The following COMMD1 variants were observed in gnomAD, a reference collection of about 807,000 sequenced individuals.
The protein encoded by COMMD1 is COMM domain-containing protein 1.
A neutral mutation model predicts 17.2 loss-of-function variants in COMMD1; 10 were observed. The ratio of observed to expected loss-of-function variants is 0.58; its 90% CI spans 0.36 to 0.99. COMMD1 has a LOEUF of 0.99. COMMD1 is among the 50% of genes least tolerant of loss of function. The pLI is 0.01. For synonymous variants in COMMD1, 97 were observed against 91.6 expected (o/e 1.06, Z -0.34); for missense variants, 270 against 231.8 (o/e 1.17, Z -1.07).
At chr2:62,059,237 C>T (rs1353885887) in intron 2 of COMMD1, among the ~76,000 whole-genome samples, 5 of 152,044 alleles carry the variant, frequency 3.3e-5, no homozygotes, top group Non-Finnish European at 5.9e-5. Context: ...CTCACTGCAG[C>T]CTCTACCTCC....
At chr2:62,056,300 A>G (rs1307118296) in intron 2 of COMMD1, among the ~76,000 whole-genome samples, 2 of 152,230 alleles carry the variant, frequency 1.3e-5, no homozygotes, top group African/African-American at 2.4e-5. Context: ...CTGTGAGGAG[A>G]TAGATGCAGA....
intron 1 of COMMD1, among the ~76,000 whole-genome samples, chr2:61,910,789 A>G (rs944668420): frequency 3.3e-5 from 5 of 152,136 alleles, no homozygotes; most frequent in Non-Finnish European, 7.3e-5. Context: ...GGAATTTTAA[A>G]CAAAAAATTT....
intron 1 of COMMD1, among the ~76,000 whole-genome samples, chr2:61,998,443 A>G (rs1245350399): frequency 6.6e-6 from 1 of 152,026 alleles, no homozygotes; most frequent in Non-Finnish European, 1.5e-5. Context: ...TATTTTTAGT[A>G]GAGACAGGGT....
intron 2 of COMMD1, among the ~76,000 whole-genome samples, chr2:62,099,899 G>A (rs995165511): frequency 2.0e-5 from 3 of 152,136 alleles, no homozygotes; most frequent in African/African-American, 7.2e-5. Context: ...TTCCAGCTGG[G>A]AGGAGCAAAA....
At chr2:62,011,514 T>A (rs1021819499) in intron 2 of COMMD1, among the ~76,000 whole-genome samples, 6 of 152,146 alleles carry the variant, frequency 3.9e-5, no homozygotes, top group Non-Finnish European at 7.4e-5. Flanking sequence ...TTTTTTTTTT[T>A]AATTGCTGCA....
At chr2:62,123,410 C>A (rs1405443683) in intron 2 of COMMD1, among the ~76,000 whole-genome samples, 1 of 150,182 alleles carries the variant, frequency 6.7e-6, no homozygotes, top group Non-Finnish European at 1.5e-5. Flanking sequence ...GAGGCTGAGG[C>A]AGGAGAATTG....
At chr2:62,105,752 G>A (rs906041444) in intron 2 of COMMD1, among the ~76,000 whole-genome samples, 9 of 152,208 alleles carry the variant, frequency 5.9e-5, no homozygotes, top group African/African-American at 2.2e-4. Flanking sequence ...GAACCTGGGA[G>A]GCAGAGGTTG....
chr2:62,039,435 T>C (rs568827870), intron 2 of COMMD1, among the ~76,000 whole-genome samples: 72 of 152,336 alleles, frequency 4.7e-4, no homozygotes, highest in African/African-American at 1.6e-3. Flanking sequence ...AGGAGTTGAT[T>C]AGCAAACTTG....
chr2:62,125,924 C>A (rs1048522233), intron 2 of COMMD1, among the ~76,000 whole-genome samples: 2 of 152,130 alleles, frequency 1.3e-5, no homozygotes, highest in East Asian at 1.9e-4. Flanking sequence ...TCCTTCCCCC[C>A]ACTTCACCCC....
At chr2:62,038,359 A>C (rs1338529293) in intron 2 of COMMD1, among the ~76,000 whole-genome samples, 1 of 152,158 alleles carries the variant, frequency 6.6e-6, no homozygotes, top group Non-Finnish European at 1.5e-5. Flanking sequence ...TGTATTAAGT[A>C]ATGAAGATAT....
chr2:61,962,101 T>C (rs1200724559), intron 1 of COMMD1, among the ~76,000 whole-genome samples: 1 of 152,226 alleles, frequency 6.6e-6, no homozygotes, highest in Admixed American at 6.5e-5. Flanking sequence ...TTAGAGGCCT[T>C]GTGAGTATGG....
At chr2:62,068,840 A>C (rs1188216533) in intron 2 of COMMD1, among the ~76,000 whole-genome samples, 3 of 151,526 alleles carry the variant, frequency 2.0e-5, no homozygotes, top group Admixed American at 6.6e-5. Flanking sequence ...GATGGGTTTC[A>C]CCATGTTAGC....
At chr2:62,078,042 G>A (rs918628374) in intron 2 of COMMD1, among the ~76,000 whole-genome samples, 10 of 151,990 alleles carry the variant, frequency 6.6e-5, no homozygotes, top group African/African-American at 2.4e-4. Context: ...TTGGGAGGCC[G>A]AAGCAGGCGG....
chr2:61,937,979 TAGAG>T (rs1670645557), intron 1 of COMMD1, among the ~76,000 whole-genome samples: 2 of 152,112 alleles, frequency 1.3e-5, no homozygotes, highest in African/African-American at 4.8e-5. Flanking sequence ...TCCCTGGGCT[TAGAG>T]GGAGGATGCC....
intron 1 of COMMD1, among the ~76,000 whole-genome samples, chr2:61,925,646 T>C (rs1670311920): frequency 6.6e-6 from 1 of 152,000 alleles, no homozygotes; most frequent in African/African-American, 2.4e-5. Context: ...TAAAGAGGTT[T>C]GGGGGAAGGG....
chr2:61,900,196 T>C (rs1451763047), intron 1 of COMMD1, among the ~76,000 whole-genome samples: 1 of 152,192 alleles, frequency 6.6e-6, no homozygotes, highest in Non-Finnish European at 1.5e-5. Context: ...ATTTTATGCA[T>C]TTCAGGGAGG....
In COMMD1 at chr2:61,905,714, G is replaced by A. The variant is rs374545571; in HGVS notation, c.36G>A (p.Leu12=). Residue 12 remains leucine, a synonymous_variant, in exon 1 of 3, where the codon CTG becomes CTA. Coordinates refer to ENST00000311832, the MANE Select transcript of COMMD1 (RefSeq NM_152516.4). The stretch of plus-strand genomic sequence containing the variant: ...GCGAGCTTGAGGGTGGCAAACCCCT[G>A]AGCGGGCTGCTGAATGCGCTGGCCC... ...AAGELEGGKP[L]SGLLNALAQD... The A allele has an allele frequency of 2.6e-5, 42 of 1,603,480 alleles. No homozygotes were observed. In the African/African-American group the frequency reaches 4.5e-4, roughly 17 times the overall value.
Position 61,985,415 on chromosome 2 carries a change from T to A in COMMD1, c.181-15286T>A, listed in dbSNP as rs181960474. Among the ~76,000 whole-genome samples the A allele has an allele frequency of 7.0e-3, 1,063 of 152,326 alleles. 15 individuals are homozygous for A. Among genetic ancestry groups the A allele is most frequent in the African/African-American group, 0.024 (1,000 of 41,582 alleles). ...TACAGATCATTGGATCTTGTTTTTT[T>A]ATCCATTCAGCCACTCTGTGTCTTT... On this transcript the variant is annotated intron_variant, in intron 1 of 2. Transcript: ENST00000311832.
intron 1 of COMMD1, among the ~76,000 whole-genome samples, chr2:61,923,399 T>A (rs1015569922): frequency 1.3e-5 from 2 of 152,130 alleles, no homozygotes; most frequent in African/African-American, 4.8e-5. Flanking sequence ...GAAAACACTG[T>A]GTATTTCTCA....
Sources: allele counts gnomAD v4.1 joint callset (sites outside exome capture counted in the v4.1 genomes callset), GRCh38; gene constraint gnomAD v4.1.1; transcripts MANE v1.5; gene names NCBI Gene and HGNC (gene_info 2026-07-23, HGNC 2026-07-21).